Variants in GRIA3 observed in about 807,000 individuals in gnomAD.
GRIA3 encodes the protein glutamate receptor 3.
A neutral mutation model predicts 63.0 loss-of-function variants in GRIA3; 3 were observed. That is an observed-to-expected ratio of 0.05 (90% CI 0.02 to 0.12). GRIA3 has a LOEUF of 0.12. Ranked by LOEUF, GRIA3 falls within the 10% of genes least tolerant of loss-of-function variation. The pLI, the probability that GRIA3 is intolerant of heterozygous loss-of-function variation, is 1.00. For missense variants in GRIA3, 347 were observed against 700.9 expected, an observed-to-expected ratio of 0.50 and a Z score of 5.70; for synonymous variants, 274 against 257.9, an observed-to-expected ratio of 1.06 and a Z score of -0.60.
At chrX:123,254,873 T>C (rs1202940680) in intron 3 of GRIA3, among the ~76,000 whole-genome samples, 1 of 111,873 alleles carries the variant, frequency 8.9e-6, no homozygotes, top group Non-Finnish European at 1.9e-5. Context: ...CTTAATGTTA[T>C]ATTCCATGAT....
At position 123,228,770 on chromosome X, in the gene GRIA3, A is replaced by C. The variant is rs541815178; in HGVS notation, c.269-24533A>C. Among the ~76,000 whole-genome samples the C allele has an allele frequency of 2.7e-5, 3 of 111,587 alleles. No individual in the cohort carries two copies. The Admixed American group carries it at 2.8e-4, about 11-fold the overall frequency. ...AAAACATATCCAGTCCAAAGGCACAAATCAGGCAGTTGTCCTAGTAGGGTT... is the reference window on the plus strand; with the variant it reads ...AAAACATATCCAGTCCAAAGGCACACATCAGGCAGTTGTCCTAGTAGGGTT... On this transcript the variant is annotated intron_variant, in intron 2 of 15. Coordinates refer to ENST00000620443, the MANE Select transcript of GRIA3 (RefSeq NM_007325.5).
At chrX:123,324,886 G>A (rs1440485043) in intron 3 of GRIA3, among the ~76,000 whole-genome samples, 2 of 111,601 alleles carry the variant, frequency 1.8e-5, no homozygotes, top group African/African-American at 3.3e-5. Flanking sequence ...GGGTGAGCCC[G>A]AAACAGCACA....
intron 11 of GRIA3, chrX:123,418,025 G>A: frequency 3.0e-6 from 1 of 335,157 alleles, no homozygotes; most frequent in Non-Finnish European, 5.1e-6. Flanking sequence ...TTTGAACTCT[G>A]GATAAAGGCA....
At chrX:123,212,138 T>C (rs12395494) in intron 2 of GRIA3, among the ~76,000 whole-genome samples, 2 of 112,206 alleles carry the variant, frequency 1.8e-5, no homozygotes, top group Admixed American at 1.9e-4. Flanking sequence ...TTCACACAGT[T>C]AAGTAAAAGA....
chrX:123,292,752 A>C (rs2044663824), intron 3 of GRIA3, among the ~76,000 whole-genome samples: 2 of 111,477 alleles, frequency 1.8e-5, no homozygotes, highest in African/African-American at 6.5e-5. Context: ...AGAAGTGGCC[A>C]GTAGGATTAC....
At chrX:123,232,485 G>C (rs1325061370) in intron 2 of GRIA3, among the ~76,000 whole-genome samples, 1 of 111,668 alleles carries the variant, frequency 9.0e-6, no homozygotes, top group African/African-American at 3.3e-5. Flanking sequence ...TGGGTACAGA[G>C]TTTCAGTTTT....
chrX:123,211,808 G>C (rs5911550), intron 2 of GRIA3, among the ~76,000 whole-genome samples: 5 of 111,211 alleles, frequency 4.5e-5, no homozygotes, highest in African/African-American at 1.6e-4. Flanking sequence ...TGCCACTCTC[G>C]CTCTTTCTTC....
At chrX:123,318,133 G>A (rs190371290) in intron 3 of GRIA3, among the ~76,000 whole-genome samples, 1 of 112,208 alleles carries the variant, frequency 8.9e-6, no homozygotes, top group African/African-American at 3.2e-5. Context: ...GGGACACAAG[G>A]CACCAAGTCC....
At chrX:123,358,245 T>C (rs1244908338) in intron 5 of GRIA3, 1 of 112,110 alleles carries the variant, frequency 8.9e-6, no homozygotes, top group African/African-American at 3.2e-5. Context: ...AATGTGAGTC[T>C]TGGTGTTACA....
intron 3 of GRIA3, among the ~76,000 whole-genome samples, chrX:123,306,876 C>A (rs756667348): frequency 2.7e-5 from 3 of 111,712 alleles, no homozygotes; most frequent in Non-Finnish European, 3.8e-5. Flanking sequence ...GAAAATAATT[C>A]TTCTTTGTCT....
chrX:123,430,515 G>A (rs764178014), intron 12 of GRIA3, among the ~76,000 whole-genome samples: 2 of 111,099 alleles, frequency 1.8e-5, no homozygotes, highest in South Asian at 3.9e-4. Flanking sequence ...TTTGATATTC[G>A]TGCAATACAG....
chrX:123,184,316 A>C lies in GRIA3; in HGVS notation c.-220A>C. On this transcript the variant is annotated 5_prime_UTR_variant, in exon 1 of 16. Transcript: ENST00000620443. ...AGAGCGAGCGAGAGAGAGCGAGCGA[A>C]TAAGAGAGAGAGTAAGAGGGAGAGA... 1 of 416,324 alleles carries C rather than the reference A, an allele frequency of 2.4e-6. No homozygotes were observed. The allele number at this position is 416,324 out of a possible 1,213,427, so 34.3% of individuals were successfully genotyped here.
At chrX:123,444,782 T>C (rs1050426583) in intron 12 of GRIA3, among the ~76,000 whole-genome samples, 1 of 111,554 alleles carries the variant, frequency 9.0e-6, no homozygotes, top group African/African-American at 3.3e-5. Context: ...GTAGGATTTC[T>C]GTAATCCTTT....
chrX:123,382,456 G>T (rs2045330303), intron 5 of GRIA3, among the ~76,000 whole-genome samples: 1 of 112,169 alleles, frequency 8.9e-6, no homozygotes, highest in African/African-American at 3.2e-5. Flanking sequence ...AAAAACATTA[G>T]TCGACTGAGA....
intron 5 of GRIA3, among the ~76,000 whole-genome samples, chrX:123,357,591 C>A (rs139281083): frequency 0.012 from 1,338 of 109,181 alleles, 13 homozygotes; most frequent in South Asian, 0.026. Context: ...TTTAAATCAG[C>A]TTTTATTGCA....
chrX:123,357,308 C>A (rs1022649804), intron 5 of GRIA3, among the ~76,000 whole-genome samples: 1 of 110,179 alleles, frequency 9.1e-6, no homozygotes, highest in African/African-American at 3.3e-5. Flanking sequence ...TCTTAAAGAG[C>A]GATCTGAGCC....
chrX:123,289,227 C>T (rs1241180010), intron 3 of GRIA3, among the ~76,000 whole-genome samples: 1 of 110,061 alleles, frequency 9.1e-6, no homozygotes, highest in Non-Finnish European at 1.9e-5. Flanking sequence ...AATGAGAACA[C>T]ATGGACACAG....
At chrX:123,469,851 A>G (rs953565417) in intron 13 of GRIA3, among the ~76,000 whole-genome samples, 1 of 111,797 alleles carries the variant, frequency 8.9e-6, no homozygotes, top group African/African-American at 3.3e-5. Flanking sequence ...TCCCCTCAAA[A>G]GTTTATGTTC....
At chrX:123,401,759 C>A (rs766622584) in intron 7 of GRIA3, among the ~76,000 whole-genome samples, 1 of 112,122 alleles carries the variant, frequency 8.9e-6, no homozygotes, top group East Asian at 2.8e-4. Flanking sequence ...CCCACTGCCA[C>A]CTCTGACTTG....
Sources: gnomAD v4.1 joint callset for allele counts (sites outside exome capture counted in the v4.1 genomes callset) on GRCh38, gnomAD v4.1.1 for gene constraint, MANE v1.5 for transcripts, NCBI Gene and HGNC (gene_info 2026-07-23, HGNC 2026-07-21) for gene names.